The following LARGE1 variants were observed in gnomAD, a reference collection of about 807,000 sequenced individuals.
LARGE1 encodes LARGE xylosyl- and glucuronyltransferase 1.
In LARGE1, 43 loss-of-function variants were observed where a neutral mutation model predicts 87.6. That is an observed-to-expected ratio of 0.49 (90% confidence interval 0.38 to 0.63). LARGE1 has a LOEUF of 0.63. LARGE1 is among the 30% of genes least tolerant of loss of function. LARGE1 has a pLI of 0.00. For synonymous variants in LARGE1, 434 were observed against 394.6 expected, an observed-to-expected ratio of 1.10 and a Z score of -1.18; for missense variants, 802 against 1,000.2, an observed-to-expected ratio of 0.80 and a Z score of 2.67.
At chr22:33,086,540 GTTC>G in the LARGE1 span, among the ~76,000 whole-genome samples, 10 of 145,126 alleles carry the variant, frequency 6.9e-5, no homozygotes, top group African/African-American at 2.3e-4. Context: ...CATAATTGAA[GTTC>G]TTCTACTTTT....
intron 2 of LARGE1, among the ~76,000 whole-genome samples, chr22:33,669,453 C>G (rs1179864415): frequency 6.6e-6 from 1 of 152,180 alleles, no homozygotes; most frequent in African/African-American, 2.4e-5. Flanking sequence ...AGGGATAAGG[C>G]AAAACTAAAG....
At chr22:33,677,636 C>T (rs1473133251) in intron 2 of LARGE1, among the ~76,000 whole-genome samples, 1 of 152,152 alleles carries the variant, frequency 6.6e-6, no homozygotes, top group Admixed American at 6.5e-5. Context: ...CTGGGGTTTG[C>T]AGCATTCTCT....
chr22:33,839,438 A>G (rs2063204938), intron 1 of LARGE1, among the ~76,000 whole-genome samples: 1 of 152,202 alleles, frequency 6.6e-6, no homozygotes, highest in Non-Finnish European at 1.5e-5. Flanking sequence ...GATTTGGAGG[A>G]GACAAACATC....
chr22:33,507,936 C>G (rs927183640), intron 6 of LARGE1, among the ~76,000 whole-genome samples: 2 of 152,150 alleles, frequency 1.3e-5, no homozygotes, highest in African/African-American at 4.8e-5. Context: ...AGAGGGGGAC[C>G]TTTAAATCCC....
chr22:33,279,809 T>C (rs1454268739), intron 13 of LARGE1, among the ~76,000 whole-genome samples: 1 of 152,226 alleles, frequency 6.6e-6, no homozygotes, highest in African/African-American at 2.4e-5. Flanking sequence ...ATGGGCAGTC[T>C]TAACACCTGA....
chr22:33,696,310 T>A (rs1484570384), intron 2 of LARGE1, among the ~76,000 whole-genome samples: 3 of 147,878 alleles, frequency 2.0e-5, no homozygotes, highest in Admixed American at 6.9e-5. Flanking sequence ...TTGCCCAGGC[T>A]GGAGTGCAGT....
chr22:33,753,266 G>A (rs2084389960), intron 2 of LARGE1, among the ~76,000 whole-genome samples: 1 of 152,050 alleles, frequency 6.6e-6, no homozygotes, highest in Admixed American at 6.6e-5. Context: ...GAGGGGGGTA[G>A]GAGAGTCACA....
chr22:33,578,292 G>A (rs189724459), intron 5 of LARGE1, among the ~76,000 whole-genome samples: 77 of 152,218 alleles, frequency 5.1e-4, no homozygotes, highest in Non-Finnish European at 9.0e-4. Flanking sequence ...TAATTCCATT[G>A]TGCCTTTACT....
At chr22:33,806,942 G>A (rs1393741103) in intron 1 of LARGE1, among the ~76,000 whole-genome samples, 3 of 152,096 alleles carry the variant, frequency 2.0e-5, no homozygotes, top group African/African-American at 4.8e-5. Context: ...CCTGGTAGGC[G>A]GAGGTTGCAG....
intron 12 of LARGE1, among the ~76,000 whole-genome samples, chr22:33,299,164 GA>G (rs1293828303): frequency 6.6e-6 from 1 of 151,998 alleles, no homozygotes; most frequent in Non-Finnish European, 1.5e-5. Flanking sequence ...GGTGAGCCAT[GA>G]TTGCACCATT....
chr22:33,130,129 A>G, the LARGE1 span, among the ~76,000 whole-genome samples: 1 of 151,692 alleles, frequency 6.6e-6, no homozygotes, highest in Admixed American at 6.6e-5. Flanking sequence ...ACTGGCTAAC[A>G]CGGTGAAACC....
In LARGE1 at chr22:33,376,511, C is replaced by T. The variant is rs564499913; in HGVS notation, c.1131+5408G>A. 3.9e-5 allele frequency among the ~76,000 whole-genome samples: 6 copies of T among 152,208 alleles called. No individual in the cohort carries two copies. The East Asian group carries it at 1.2e-3, about 29-fold the overall frequency. ...CATGCCATCACCAGAGACATTCAAACTGCAAACCAGGACGAGAGTTGATTG... is the reference window on the plus strand; with the variant it reads ...CATGCCATCACCAGAGACATTCAAATTGCAAACCAGGACGAGAGTTGATTG... On this transcript the variant is annotated intron_variant, in intron 9 of 14. Coordinates refer to ENST00000397394, the MANE Select transcript of LARGE1 (RefSeq NM_133642.5).
intron 7 of LARGE1, among the ~76,000 whole-genome samples, chr22:33,418,795 T>C (rs2066590591): frequency 6.6e-6 from 1 of 152,172 alleles, no homozygotes; most frequent in South Asian, 2.1e-4. Context: ...TCCCATCCTA[T>C]GAGGCTGAAT....
At chr22:33,073,215 A>G in the LARGE1 span, among the ~76,000 whole-genome samples, 1 of 152,210 alleles carries the variant, frequency 6.6e-6, no homozygotes, top group Non-Finnish European at 1.5e-5. Flanking sequence ...TAAAGTTTAA[A>G]TAAACTTTGC....
At chr22:33,914,468 G>T (rs974488042) in intron 1 of LARGE1, among the ~76,000 whole-genome samples, 1 of 152,162 alleles carries the variant, frequency 6.6e-6, no homozygotes, top group African/African-American at 2.4e-5. Flanking sequence ...TGTTGCTGTT[G>T]TTTTTAATCA....
At chr22:33,799,796 G>C (rs530844281) in intron 1 of LARGE1, among the ~76,000 whole-genome samples, 1 of 152,174 alleles carries the variant, frequency 6.6e-6, no homozygotes, top group South Asian at 2.1e-4. Context: ...GTAATATGGA[G>C]GAAGAAGACT....
intron 10 of LARGE1, among the ~76,000 whole-genome samples, chr22:33,325,529 A>G (rs1229277493): frequency 1.3e-5 from 2 of 152,224 alleles, no homozygotes; most frequent in African/African-American, 4.8e-5. Flanking sequence ...CAGAAAAACT[A>G]CCTGCCAATC....
rs140153918 is a variant in LARGE1, at chr22:33,876,126, C to T, written c.-83+43869G>A. Reference sequence around the variant, plus strand: ...CTGAATCACTGATCTATTCTCTCACCATGAGACCCAGCAGTTGGGTGGGCC... The same window carrying T: ...CTGAATCACTGATCTATTCTCTCACTATGAGACCCAGCAGTTGGGTGGGCC... On this transcript the variant is annotated intron_variant, in intron 1 of 14. Coordinates refer to ENST00000397394, the MANE Select transcript of LARGE1 (RefSeq NM_133642.5). Among the ~76,000 whole-genome samples the T allele has an allele frequency of 2.5e-3, 375 of 152,294 alleles. 1 individual carries two copies. Among genetic ancestry groups the T allele is most frequent in the African/African-American group, 8.7e-3 (362 of 41,554 alleles).
At chr22:33,889,881 G>A (rs1026919738) in intron 1 of LARGE1, among the ~76,000 whole-genome samples, 2 of 152,240 alleles carry the variant, frequency 1.3e-5, no homozygotes, top group African/African-American at 2.4e-5. Context: ...CCAGGAAAAC[G>A]GAAATGGCCC....
Sources: gnomAD v4.1 joint callset for allele counts (sites outside exome capture counted in the v4.1 genomes callset) on GRCh38, gnomAD v4.1.1 for gene constraint, MANE v1.5 for transcripts, NCBI Gene and HGNC (gene_info 2026-07-23, HGNC 2026-07-21) for gene names.